Variants in KIAA1217 observed in about 807,000 individuals in gnomAD.
KIAA1217 encodes sickle tail protein homolog.
A neutral mutation model predicts 163.9 loss-of-function variants in KIAA1217; 88 were observed. The observed-to-expected ratio is 0.54, with a 90% CI of 0.45 to 0.64. The LOEUF is 0.64. Among genes scored for constraint, KIAA1217 ranks in the 30% least tolerant of loss-of-function variants. The pLI, the probability that KIAA1217 is intolerant of heterozygous loss-of-function variation, is 0.00. For synonymous variants in KIAA1217, 903 were observed against 923.1 expected, an observed-to-expected ratio of 0.98 and a Z score of 0.39; for missense variants, 2,372 against 2,475.0, an observed-to-expected ratio of 0.96 and a Z score of 0.88.
chr10:24,000,479 G>A (rs1846688654), intron 1 of KIAA1217, among the ~76,000 whole-genome samples: 1 of 152,224 alleles, frequency 6.6e-6, no homozygotes, highest in Admixed American at 6.5e-5. Flanking sequence ...CTCCAGCCCT[G>A]CGGAAACGTG....
intron 2 of KIAA1217, among the ~76,000 whole-genome samples, chr10:24,171,458 T>G (rs1176600741): frequency 6.6e-6 from 1 of 152,256 alleles, no homozygotes; most frequent in Non-Finnish European, 1.5e-5. Context: ...AAATGTTTAA[T>G]TTCCAAATTA....
intron 2 of KIAA1217, chr10:24,158,771 G>A (rs1056265786): frequency 4.1e-6 from 2 of 486,630 alleles, no homozygotes; most frequent in Admixed American, 2.3e-5. Context: ...CAAAGCAATG[G>A]AGTACATGTC....
At chr10:24,350,817 T>A (rs968263709) in intron 2 of KIAA1217, among the ~76,000 whole-genome samples, 7 of 130,720 alleles carry the variant, frequency 5.4e-5, no homozygotes, top group African/African-American at 1.5e-4. Flanking sequence ...TGCGAGGAAG[T>A]GGTGAGTGAG....
At chr10:23,816,668 G>C (rs11597290) in intron 1 of KIAA1217, among the ~76,000 whole-genome samples, 29,021 of 152,146 alleles carry the variant, frequency 0.19, 2,934 homozygotes, top group Middle Eastern at 0.29. Flanking sequence ...GAAATGAAGA[G>C]TGAAGAGTGA....
At chr10:24,039,529 C>T (rs1412063234) in intron 2 of KIAA1217, among the ~76,000 whole-genome samples, 3 of 152,036 alleles carry the variant, frequency 2.0e-5, no homozygotes, top group Non-Finnish European at 4.4e-5. Flanking sequence ...TTTTGTGTGG[C>T]CAGACGGTTT....
intron 14 of KIAA1217, among the ~76,000 whole-genome samples, chr10:24,531,291 C>T (rs1403438977): frequency 1.3e-5 from 2 of 152,160 alleles, no homozygotes; most frequent in African/African-American, 4.8e-5. Context: ...ATTTGCATCC[C>T]ATTTTTTCTC....
intron 2 of KIAA1217, among the ~76,000 whole-genome samples, chr10:24,175,642 G>C (rs1012271178): frequency 3.9e-5 from 6 of 152,146 alleles, no homozygotes; most frequent in African/African-American, 1.4e-4. Flanking sequence ...CTCGCGGTGA[G>C]TGTTACAGTC....
At chr10:24,398,052 T>C (rs1455963550) in intron 3 of KIAA1217, among the ~76,000 whole-genome samples, 1 of 152,182 alleles carries the variant, frequency 6.6e-6, no homozygotes, top group Non-Finnish European at 1.5e-5. Context: ...TGACTCCCCA[T>C]GCAGTTGGAA....
chr10:24,088,447 C>T (rs2061797380), intron 2 of KIAA1217, among the ~76,000 whole-genome samples: 1 of 80,448 alleles, frequency 1.2e-5, no homozygotes, highest in South Asian at 6.0e-4. Context: ...CCTCCCCCCT[C>T]CCCCTACTCA....
chr10:24,279,289 TA>T (rs1564394972), intron 2 of KIAA1217, among the ~76,000 whole-genome samples: 1 of 151,518 alleles, frequency 6.6e-6, no homozygotes. Flanking sequence ...TTTTTTTTTT[TA>T]AAAAAAGATC....
chr10:24,424,017 A>G (rs1020487078), intron 3 of KIAA1217, among the ~76,000 whole-genome samples: 10 of 152,222 alleles, frequency 6.6e-5, no homozygotes, highest in Non-Finnish European at 1.0e-4. Flanking sequence ...AAAATTTGGT[A>G]TTTACCCAAT....
At chr10:23,703,329 A>G (rs1366026608) in intron 1 of KIAA1217, among the ~76,000 whole-genome samples, 1 of 152,132 alleles carries the variant, frequency 6.6e-6, no homozygotes, top group Non-Finnish European at 1.5e-5. Flanking sequence ...CAAGAACGGG[A>G]CATTGCCCTA....
intron 1 of KIAA1217, among the ~76,000 whole-genome samples, chr10:23,798,124 T>C (rs1836295908): frequency 1.3e-5 from 2 of 152,084 alleles, no homozygotes; most frequent in South Asian, 4.1e-4. Context: ...AATCAGGTTG[T>C]AGAGGGAAAA....
chr10:24,198,114 C>T (rs889127486), intron 2 of KIAA1217, among the ~76,000 whole-genome samples: 24 of 152,158 alleles, frequency 1.6e-4, no homozygotes, highest in Admixed American at 5.2e-4. Context: ...CTGATGTGAC[C>T]GAATGCCATT....
At chr10:23,988,315 C>T (rs534828481) in intron 1 of KIAA1217, among the ~76,000 whole-genome samples, 9 of 152,260 alleles carry the variant, frequency 5.9e-5, no homozygotes, top group South Asian at 2.1e-4. Flanking sequence ...CACTTTAAGG[C>T]GTTCCTATAA....
Position 23,992,607 on chromosome 10 carries a change from C to CT in KIAA1217, c.-320-14600dup, listed in dbSNP as rs368335847. On this transcript the variant is annotated intron_variant, in intron 1 of 18. Coordinates refer to the KIAA1217 transcript ENST00000376462. ...AAAGGCCAGAACAGGGCCATCATTT[C>CT]TTTTTTTTTTTTTTTTTTGGAAGCC... Among the ~76,000 whole-genome samples, 932 of 127,916 alleles carry CT rather than the reference C, an allele frequency of 7.3e-3. 5 individuals carry two copies. Among genetic ancestry groups the CT allele is most frequent in the Non-Finnish European group, 9.8e-3 (587 of 59,650 alleles). 83.9% of individuals were successfully genotyped at this position (127,916 alleles called of 152,430 possible).
chr10:24,445,843 C>T (rs1016715152), intron 5 of KIAA1217, among the ~76,000 whole-genome samples: 1 of 151,920 alleles, frequency 6.6e-6, no homozygotes, highest in Admixed American at 6.6e-5. Flanking sequence ...ATAAACATAC[C>T]TGTGCATGTG....
chr10:23,762,536 T>G (rs1013164222), intron 1 of KIAA1217, among the ~76,000 whole-genome samples: 1 of 152,184 alleles, frequency 6.6e-6, no homozygotes, highest in Admixed American at 6.5e-5. Context: ...TCTCAATAGA[T>G]GCAGAAAAAG....
chr10:23,771,669 C>T (rs1834800393), intron 1 of KIAA1217, among the ~76,000 whole-genome samples: 1 of 152,148 alleles, frequency 6.6e-6, no homozygotes. Flanking sequence ...CATCTTGTGG[C>T]TTTTTTGATA....
Sources: allele counts gnomAD v4.1 joint callset (sites outside exome capture counted in the v4.1 genomes callset), GRCh38; gene constraint gnomAD v4.1.1; transcripts MANE v1.5; gene names NCBI Gene and HGNC (gene_info 2026-07-23, HGNC 2026-07-21).